DNMBP: variants seen among roughly 807,000 people sequenced by gnomAD.
The protein encoded by DNMBP is dynamin-binding protein.
A neutral mutation model predicts 150.0 loss-of-function variants in DNMBP; 87 were observed. That is an observed-to-expected ratio of 0.58 (90% CI 0.49 to 0.69). The LOEUF (loss-of-function observed/expected upper bound fraction) is 0.69. DNMBP is among the 30% of genes least tolerant of loss of function. The pLI is 0.00. For synonymous variants in DNMBP, 711 were observed against 750.4 expected (o/e 0.95, Z 0.86); for missense variants, 1,774 against 1,949.0 (o/e 0.91, Z 1.69).
At chr10:99,936,300 C>T (rs929746064) in intron 4 of DNMBP, among the ~76,000 whole-genome samples, 9 of 152,118 alleles carry the variant, frequency 5.9e-5, no homozygotes, top group African/African-American at 1.4e-4. Flanking sequence ...AAGACAGATG[C>T]TAACTGTTCA....
chr10:99,929,650 G>C (rs2040123717), intron 4 of DNMBP: 1 of 700,066 alleles, frequency 1.4e-6, no homozygotes, highest in African/African-American at 1.8e-5. Context: ...GAGCGCCTCA[G>C]GGTGCTGGGT....
intron 4 of DNMBP, chr10:99,930,984 G>T (rs767965117): frequency 2.0e-5 from 9 of 446,924 alleles, no homozygotes; most frequent in Admixed American, 4.0e-5. Flanking sequence ...TTCTCCAGAG[G>T]CCAGAAGATA....
At chr10:99,916,909 GA>G (rs1398949440) in intron 4 of DNMBP, among the ~76,000 whole-genome samples, 1 of 152,182 alleles carries the variant, frequency 6.6e-6, no homozygotes, top group Non-Finnish European at 1.5e-5. Flanking sequence ...GGCTGAGGCA[GA>G]AGAATTGCTT....
intron 4 of DNMBP, among the ~76,000 whole-genome samples, chr10:99,915,482 G>A (rs1177414758): frequency 6.6e-6 from 1 of 151,604 alleles, no homozygotes; most frequent in African/African-American, 2.4e-5. Context: ...AGAGGCGGGA[G>A]GATCACTTGA....
chr10:99,960,306 A>G (rs550484048), intron 3 of DNMBP, among the ~76,000 whole-genome samples: 2 of 152,278 alleles, frequency 1.3e-5, no homozygotes, highest in South Asian at 4.2e-4. Context: ...TTAAGATTAA[A>G]GTTAATCTTA....
chr10:99,889,720 C>T (rs914371974), intron 11 of DNMBP, among the ~76,000 whole-genome samples: 6 of 152,232 alleles, frequency 3.9e-5, no homozygotes, highest in African/African-American at 1.4e-4. Flanking sequence ...AAACTAAATA[C>T]TCCATTAGTC....
Position 99,875,769 on chromosome 10 carries a change from G to A in DNMBP, c.*1382C>T, listed in dbSNP as rs766527889. 6.6e-6 allele frequency: 1 copy of A among 152,138 alleles called. No homozygotes were observed. The highest frequency in any genetic ancestry group is 1.5e-5 in the Non-Finnish European group (1 of 68,036). 9.4% of individuals were successfully genotyped at this position (152,138 alleles called of 1,614,324 possible). ...CTAAATGTGCACTTGGAGGAACAGG[G>A]GCTGTAAGGCTATTTCTTCCCTTTC... On this transcript the variant is annotated 3_prime_UTR_variant, in exon 17 of 17. Transcript: ENST00000324109.
At chr10:99,918,204 C>CA (rs1475079612) in intron 4 of DNMBP, among the ~76,000 whole-genome samples, 4 of 151,906 alleles carry the variant, frequency 2.6e-5, no homozygotes, top group Non-Finnish European at 4.4e-5. Flanking sequence ...CCAGCCCACC[C>CA]AACCCCCACT....
intron 11 of DNMBP, chr10:99,889,251 A>AT: frequency 4.6e-6 from 1 of 218,366 alleles, no homozygotes; most frequent in Non-Finnish European, 9.1e-6. Context: ...AAATTATCAA[A>AT]TTAGAACCAA....
intron 1 of DNMBP, 95 bp downstream of exon 1, chr10:100,009,743 C>T (rs1413771550): frequency 6.6e-6 from 1 of 150,534 alleles, no homozygotes; most frequent in Non-Finnish European, 1.5e-5. Flanking sequence ...CGGCGCGTCT[C>T]TCGGGGTGCG....
chr10:99,885,510 G>A (rs1390121697), intron 14 of DNMBP, among the ~76,000 whole-genome samples, 177 bp downstream of exon 14: 1 of 148,782 alleles, frequency 6.7e-6, no homozygotes, highest in Non-Finnish European at 1.5e-5. Context: ...ATGAGACTCT[G>A]TCTCAAAAAA....
Position 99,880,277 on chromosome 10 carries a change from G to T in DNMBP, c.4082C>A (p.Ser1361Tyr). Residue 1361 changes from serine (S) to tyrosine (Y), a missense_variant, in exon 16 of 17, where the codon TCC becomes TAC. Coordinates refer to ENST00000324109, the MANE Select transcript of DNMBP (RefSeq NM_015221.4). Reference protein sequence around the residue: ...SHSDASVGSHSSTESEHGSSS... With the variant: ...SHSDASVGSHYSTESEHGSSS... ...GCTGCCGTGCTCAGACTCTGTGGAG[G>T]AGTGGCTACCCACGGAGGCATCGGA... The T allele has an allele frequency of 6.2e-7, 1 of 1,614,012 alleles. No individual in the cohort carries two copies. Among genetic ancestry groups the T allele is most frequent in the South Asian group, 1.1e-5 (1 of 91,076 alleles).
At chr10:100,003,789 G>A (rs2041040631) in intron 1 of DNMBP, among the ~76,000 whole-genome samples, 1 of 151,884 alleles carries the variant, frequency 6.6e-6, no homozygotes, top group Admixed American at 6.6e-5. Context: ...TCCAGCCTGG[G>A]CAACAGAGGG....
intron 11 of DNMBP, among the ~76,000 whole-genome samples, chr10:99,893,179 G>C (rs35715207): frequency 0.31 from 47,242 of 152,114 alleles, 7,949 homozygotes; most frequent in Non-Finnish European, 0.38. Context: ...AAGGGATATT[G>C]CTTGTGGAAC....
chr10:99,916,814 A>C (rs2039969759), intron 4 of DNMBP, among the ~76,000 whole-genome samples: 1 of 152,206 alleles, frequency 6.6e-6, no homozygotes, highest in South Asian at 2.1e-4. Flanking sequence ...GCTTAGAAGC[A>C]ACCTAAACAG....
intron 10 of DNMBP, among the ~76,000 whole-genome samples, 187 bp from the exon 11 acceptor site, chr10:99,895,237 C>T (rs2039635668): frequency 6.6e-6 from 1 of 151,682 alleles, no homozygotes; most frequent in South Asian, 2.1e-4. Context: ...AGCAATTCTC[C>T]TGCGTCAGCC....
chr10:99,889,959 C>T (rs1362771627), intron 11 of DNMBP, among the ~76,000 whole-genome samples: 1 of 152,214 alleles, frequency 6.6e-6, no homozygotes, highest in Non-Finnish European at 1.5e-5. Flanking sequence ...TCAAAGACAA[C>T]TGCCCTGCCA....
At chr10:99,892,272 T>C (rs2039584292) in intron 11 of DNMBP, among the ~76,000 whole-genome samples, 3 of 149,134 alleles carry the variant, frequency 2.0e-5, no homozygotes, top group Admixed American at 6.7e-5. Flanking sequence ...AACAGCTCAT[T>C]GAGAACGGGC....
At chr10:99,966,554 G>A (rs2133347850) in intron 3 of DNMBP, among the ~76,000 whole-genome samples, 1 of 152,286 alleles carries the variant, frequency 6.6e-6, no homozygotes, top group African/African-American at 2.4e-5. Flanking sequence ...GGAAGCCACT[G>A]TACTCTTGTC....
Sources: gnomAD v4.1 joint callset for allele counts (sites outside exome capture counted in the v4.1 genomes callset) on GRCh38, gnomAD v4.1.1 for gene constraint, MANE v1.5 for transcripts, NCBI Gene and HGNC (gene_info 2026-07-23, HGNC 2026-07-21) for gene names.